Variants in NLGN4X observed in about 807,000 individuals in gnomAD.
NLGN4X encodes the protein neuroligin-4, X-linked.
In NLGN4X, 3 loss-of-function variants were observed where a neutral mutation model predicts 40.3. The ratio of observed to expected loss-of-function variants is 0.07; its 90% CI spans 0.03 to 0.19. The LOEUF (loss-of-function observed/expected upper bound fraction) is 0.19. Ranked by LOEUF, NLGN4X falls within the 10% of genes least tolerant of loss-of-function variation. The pLI, the probability that NLGN4X is intolerant of heterozygous loss-of-function variation, is 1.00. For missense variants in NLGN4X, 382 were observed against 708.3 expected (o/e 0.54, Z 5.23); for synonymous variants, 270 against 306.8 (o/e 0.88, Z 1.25).
chrX:6,093,498 A>G (rs1271655086), intron 2 of NLGN4X, among the ~76,000 whole-genome samples: 1 of 111,687 alleles, frequency 9.0e-6, no homozygotes, highest in Admixed American at 9.6e-5. Context: ...AAAAGAACAA[A>G]CTCATTTATT....
intron 2 of NLGN4X, among the ~76,000 whole-genome samples, chrX:6,121,061 A>C (rs1244903497): frequency 1.8e-5 from 2 of 111,179 alleles, no homozygotes; most frequent in Non-Finnish European, 3.8e-5. Context: ...TTCGTCCAAA[A>C]TCATTAAATT....
intron 1 of NLGN4X, chrX:6,227,655 C>T (rs1461314166): frequency 9.0e-6 from 1 of 111,128 alleles, no homozygotes; most frequent in African/African-American, 3.3e-5. Context: ...GCATGGAGCC[C>T]GCTCCCCGGT....
intron 5 of NLGN4X, among the ~76,000 whole-genome samples, chrX:5,898,133 C>A: frequency 1.0e-5 from 1 of 96,322 alleles, no homozygotes; most frequent in Admixed American, 1.2e-4. Context: ...TCTCTCTTTC[C>A]TTTCCTTCCT....
chrX:6,187,940 T>C (rs1482726010), intron 1 of NLGN4X, among the ~76,000 whole-genome samples: 31 of 112,488 alleles, frequency 2.8e-4, no homozygotes. Context: ...AGTTACATTT[T>C]AAAAAAATTA....
intron 2 of NLGN4X, among the ~76,000 whole-genome samples, chrX:6,072,116 T>C (rs1364216477): frequency 9.0e-6 from 1 of 111,193 alleles, no homozygotes; most frequent in Non-Finnish European, 1.9e-5. Flanking sequence ...AAGCTGGAAA[T>C]AGATTTCTCT....
intron 3 of NLGN4X, among the ~76,000 whole-genome samples, chrX:5,970,117 T>C (rs888323110): frequency 9.1e-6 from 1 of 109,919 alleles, no homozygotes; most frequent in African/African-American, 3.3e-5. Context: ...GGCACATGTA[T>C]ACATATGTAA....
chrX:5,952,801 T>C (rs1361849208), intron 3 of NLGN4X, among the ~76,000 whole-genome samples: 1 of 110,907 alleles, frequency 9.0e-6, no homozygotes, highest in Non-Finnish European at 1.9e-5. Context: ...TCTTCTGCTT[T>C]GGGGGCCCTC....
intron 5 of NLGN4X, among the ~76,000 whole-genome samples, chrX:5,897,920 TTCTC>T (rs75817543): frequency 6.4e-5 from 6 of 94,372 alleles, no homozygotes; most frequent in Non-Finnish European, 1.1e-4. Flanking sequence ...CTTCCCTCTT[TTCTC>T]TCTCTTACCC....
chrX:5,937,313 C>T (rs1169307536), intron 3 of NLGN4X, among the ~76,000 whole-genome samples: 3 of 111,065 alleles, frequency 2.7e-5, no homozygotes, highest in East Asian at 2.8e-4. Context: ...TGGGCTCAAG[C>T]GATCCTCCCA....
At chrX:5,910,199 A>C (rs1459007170) in intron 3 of NLGN4X, among the ~76,000 whole-genome samples, 1 of 112,037 alleles carries the variant, frequency 8.9e-6, no homozygotes, top group Non-Finnish European at 1.9e-5. Flanking sequence ...TCTCCTACTC[A>C]GATTCAAAAC....
intron 2 of NLGN4X, among the ~76,000 whole-genome samples, chrX:6,082,948 G>GGT (rs2038390927): frequency 1.8e-3 from 128 of 70,342 alleles, no homozygotes; most frequent in Middle Eastern, 6.6e-3. Flanking sequence ...GCCATGATGC[G>GGT]TTTTTTTCTT....
intron 3 of NLGN4X, among the ~76,000 whole-genome samples, chrX:5,931,898 G>A (rs747072363): frequency 1.8e-5 from 2 of 111,574 alleles, no homozygotes; most frequent in Admixed American, 1.9e-4. Context: ...ATAGAAAGAT[G>A]CTGGTTTAAA....
At chrX:6,168,802 T>C (rs1279948053) in intron 1 of NLGN4X, among the ~76,000 whole-genome samples, 1 of 111,643 alleles carries the variant, frequency 9.0e-6, no homozygotes, top group Non-Finnish European at 1.9e-5. Flanking sequence ...GGTCTTGCTC[T>C]GTCACCCAGG....
intron 1 of NLGN4X, among the ~76,000 whole-genome samples, chrX:6,154,410 T>G (rs1332138952): frequency 9.0e-6 from 1 of 111,288 alleles, no homozygotes; most frequent in Non-Finnish European, 1.9e-5. Context: ...ACAAGAAATG[T>G]TGATATTGAA....
intron 1 of NLGN4X, among the ~76,000 whole-genome samples, chrX:6,155,346 G>T (rs1202592127): frequency 8.9e-6 from 1 of 111,881 alleles, no homozygotes; most frequent in Non-Finnish European, 1.9e-5. Context: ...CCAAATTACT[G>T]GGCTTGTACA....
intron 1 of NLGN4X, among the ~76,000 whole-genome samples, chrX:6,222,767 A>T (rs767975412): frequency 8.9e-6 from 1 of 112,241 alleles, no homozygotes; most frequent in Non-Finnish European, 1.9e-5. Flanking sequence ...AAGTAATTGA[A>T]TCATGGGGGC....
At chrX:6,017,153 T>C (rs1436938883) in intron 3 of NLGN4X, among the ~76,000 whole-genome samples, 1 of 111,679 alleles carries the variant, frequency 9.0e-6, no homozygotes, top group Non-Finnish European at 1.9e-5. Context: ...GAGTTGGAGA[T>C]AAGCTCAACG....
At chrX:5,929,205 G>GT (rs1221661676) in intron 3 of NLGN4X, among the ~76,000 whole-genome samples, 2 of 111,829 alleles carry the variant, frequency 1.8e-5, no homozygotes, top group African/African-American at 6.5e-5. Flanking sequence ...GCTCACCTCT[G>GT]TAATCCCAGC....
intron 1 of NLGN4X, among the ~76,000 whole-genome samples, chrX:6,156,055 CA>C (rs1431833618): frequency 8.9e-6 from 1 of 111,986 alleles, no homozygotes; most frequent in Admixed American, 9.5e-5. Context: ...GGTATATATA[CA>C]AAGGAAAATA....
Sources: gnomAD v4.1 joint callset for allele counts (sites outside exome capture counted in the v4.1 genomes callset) on GRCh38, gnomAD v4.1.1 for gene constraint, MANE v1.5 for transcripts, NCBI Gene and HGNC (gene_info 2026-07-23, HGNC 2026-07-21) for gene names.